Variants in HNF1B observed in about 807,000 individuals in gnomAD.
HNF1B encodes the protein hepatocyte nuclear factor 1-beta.
A neutral mutation model predicts 61.7 loss-of-function variants in HNF1B; 8 were observed. That is an observed-to-expected ratio of 0.13 (90% CI 0.08 to 0.23). The LOEUF (loss-of-function observed/expected upper bound fraction) is 0.23, where lower values mean the gene tolerates loss of function less well. HNF1B is among the 10% of genes least tolerant of loss of function. The pLI, the probability that HNF1B is intolerant of heterozygous loss-of-function variation, is 1.00. For synonymous variants in HNF1B, 314 were observed against 287.7 expected, an observed-to-expected ratio of 1.09 and a Z score of -0.93; for missense variants, 562 against 714.5, an observed-to-expected ratio of 0.79 and a Z score of 2.43.
intron 1 of HNF1B, among the ~76,000 whole-genome samples, chr17:37,742,318 C>T (rs531673338): frequency 2.0e-5 from 3 of 152,284 alleles, no homozygotes; most frequent in East Asian, 1.9e-4. Flanking sequence ...GGCCGGGAGC[C>T]GGGGACCGGG....
At chr17:37,721,020 T>C in intron 4 of HNF1B, 1 of 894,660 alleles carries the variant, frequency 1.1e-6, no homozygotes, top group Non-Finnish European at 1.3e-6. Flanking sequence ...GTTTAAGGGT[T>C]TTCCACTCTT....
At chr17:37,707,597 C>A (rs540111560) in intron 5 of HNF1B, among the ~76,000 whole-genome samples, 156 of 152,034 alleles carry the variant, frequency 1.0e-3, no homozygotes, top group African/African-American at 3.6e-3. Flanking sequence ...TATTATTATC[C>A]CTATTTCATA....
chr17:37,743,033 AC>A lies in HNF1B; in HGVS notation c.344+1507del, dbSNP rs567225010. Among the ~76,000 whole-genome samples, 4 of 152,048 alleles carry A rather than the reference AC, an allele frequency of 2.6e-5. No homozygotes were observed. The South Asian group carries it at 8.3e-4, about 32-fold the overall frequency. The stretch of plus-strand genomic sequence containing the variant: ...TGATTTATAGAAATAAATTAATAAC[AC>A]CCCAACTCCACGTGCTGCAGTTTAT... On this transcript the variant is annotated intron_variant, in intron 1 of 8. Transcript: ENST00000617811.
intron 8 of HNF1B, among the ~76,000 whole-genome samples, chr17:37,693,006 T>C (rs2032256639): frequency 6.6e-6 from 1 of 151,592 alleles, no homozygotes; most frequent in Non-Finnish European, 1.5e-5. Context: ...CTGGCCAACA[T>C]AGTGAAACCC....
intron 6 of HNF1B, among the ~76,000 whole-genome samples, chr17:37,703,322 G>A (rs896096759): frequency 1.1e-4 from 16 of 152,252 alleles, no homozygotes; most frequent in Admixed American, 7.2e-4. Flanking sequence ...AAGGAGCATC[G>A]TGAAATGATA....
At chr17:37,735,648 C>T (rs570220361) in intron 2 of HNF1B, among the ~76,000 whole-genome samples, 4 of 152,174 alleles carry the variant, frequency 2.6e-5, no homozygotes, top group African/African-American at 9.7e-5. Flanking sequence ...CATTTAGTCT[C>T]CCCAGCTGTG....
intron 4 of HNF1B, among the ~76,000 whole-genome samples, chr17:37,715,740 C>T (rs1320684487): frequency 6.6e-6 from 1 of 152,212 alleles, no homozygotes; most frequent in Admixed American, 6.5e-5. Flanking sequence ...CTTCCCTAGG[C>T]AAACTTGCCA....
At chr17:37,729,607 C>T (rs566091485) in intron 4 of HNF1B, 3 of 152,326 alleles carry the variant, frequency 2.0e-5, no homozygotes, top group Admixed American at 6.5e-5. Context: ...GACAGTGACC[C>T]GATATCCTTC....
chr17:37,713,631 T>A lies in HNF1B; in HGVS notation c.1046-2968A>T, dbSNP rs77534877. Among the ~76,000 whole-genome samples, 146 of 152,296 alleles carry A rather than the reference T, an allele frequency of 9.6e-4. 2 individuals carry two copies. The East Asian group carries it at 0.025, about 26-fold the overall frequency. ...AGAGGCTCGGCTGGAAACTGGGGGA[T>A]CCCTGTTTTAATCTCAGCTCTGCTA... On this transcript the variant is annotated intron_variant, in intron 4 of 8. Coordinates refer to ENST00000617811, the MANE Select transcript of HNF1B (RefSeq NM_000458.4).
chr17:37,739,685 G>T (rs756167910), intron 1 of HNF1B, 46 bp from the exon 2 acceptor site: 1 of 1,477,922 alleles, frequency 6.8e-7, no homozygotes, highest in African/African-American at 1.4e-5. Context: ...GAGACATCTG[G>T]GGAGAAACAT....
rs2033926560 is a variant in HNF1B at position 37,739,466 on chromosome 17, A to G, written c.518T>C (p.Val173Ala). 1 of 1,614,142 alleles carries G rather than the reference A, an allele frequency of 6.2e-7. No homozygotes were observed. Among genetic ancestry groups the G allele is most frequent in the Non-Finnish European group, 8.5e-7 (1 of 1,180,026 alleles). The change falls in exon 2 of 9, where the codon GTC becomes GCC. Residue 173 changes from valine to alanine, a missense_variant. By Grantham distance (64) the Val-to-Ala change is moderately conservative. Coordinates refer to ENST00000617811, the MANE Select transcript of HNF1B (RefSeq NM_000458.4). ...QKRAALYTWY[V>A]RKQREILRQF... Reference sequence around the variant, plus strand: ...TCGGAGGATCTCTCGTTGCTTTCTGACGTACCAGGTGTACAGAGCGGCACG... The same window carrying G: ...TCGGAGGATCTCTCGTTGCTTTCTGGCGTACCAGGTGTACAGAGCGGCACG...
intron 4 of HNF1B, among the ~76,000 whole-genome samples, chr17:37,724,128 G>A (rs1021841191): frequency 6.6e-6 from 1 of 152,176 alleles, no homozygotes; most frequent in South Asian, 2.1e-4. Context: ...GTACTCAAAA[G>A]TGTGTCCCAG....
chr17:37,701,145 C>T lies in HNF1B; in HGVS notation c.1372G>A (p.Val458Ile), dbSNP rs1411125492. The change falls in exon 7 of 9, where the codon GTC becomes ATC. Residue 458 changes from valine (V) to isoleucine (I), a missense_variant. Val to Ile is a conservative substitution (Grantham distance 29, BLOSUM62 3). Around this residue, in one of 6 missense-constraint regions of HNF1B, gnomAD observed 211 missense variants for 200.7 expected, o/e 1.05. Transcript: ENST00000617811. ...LNTSQAQSVP[V>I]INSVAGSLAA... is the part of the protein sequence containing the mutation. Reference sequence around the variant, plus strand: ...AGGCTGCCGGCCACACTGTTGATGACAGGGACACTCTGTGCTTGGGAGGTG... The same window carrying T: ...AGGCTGCCGGCCACACTGTTGATGATAGGGACACTCTGTGCTTGGGAGGTG... 1 of 1,551,690 alleles carries T rather than the reference C, an allele frequency of 6.4e-7. No individual in the cohort carries two copies. Among genetic ancestry groups the T allele is most frequent in the South Asian group, 1.2e-5 (1 of 84,052 alleles).
In HNF1B at chr17:37,738,232, C is replaced by T. The variant is rs542453042; in HGVS notation, c.544+1208G>A. On this transcript the variant is annotated intron_variant, in intron 2 of 8. Transcript: ENST00000617811. ...CCAACCCATTCTTGGAAAGGTCTCT[C>T]GCTCTAAGCAGCAAACAGCTCTCAT... Among the ~76,000 whole-genome samples, 3 of 152,218 alleles carry T rather than the reference C, an allele frequency of 2.0e-5. 1 individual carries two copies. The South Asian group carries it at 6.2e-4, about 32-fold the overall frequency.
intron 4 of HNF1B, among the ~76,000 whole-genome samples, chr17:37,714,444 T>C (rs187770308): frequency 1.2e-4 from 18 of 152,298 alleles, no homozygotes. Flanking sequence ...AGATGCCAGG[T>C]TAATAGCCAC....
intron 5 of HNF1B, among the ~76,000 whole-genome samples, chr17:37,708,124 C>T (rs1322359938): frequency 6.6e-6 from 1 of 152,148 alleles, no homozygotes; most frequent in Admixed American, 6.5e-5. Flanking sequence ...GGTGAATGAC[C>T]GAGCCAAGAC....
In HNF1B at chr17:37,701,134, A is replaced by G. The variant is rs2032556996; in HGVS notation, c.1383T>C (p.Ser461=). ...SQAQSVPVIN[S]VAGSLAALQP... ...GCAGGGCTGCCAGGCTGCCGGCCAC[A>G]CTGTTGATGACAGGGACACTCTGTG... Residue 461 remains serine (S), a synonymous_variant, in exon 7 of 9, where the codon AGT becomes AGC. Coordinates refer to ENST00000617811, the MANE Select transcript of HNF1B (RefSeq NM_000458.4). The G allele has an allele frequency of 1.5e-5, 23 of 1,551,992 alleles. No individual in the cohort carries two copies. The highest frequency in any genetic ancestry group is 1.9e-5 in the Non-Finnish European group (22 of 1,147,546).
chr17:37,723,978 C>T (rs1306011930), intron 4 of HNF1B, among the ~76,000 whole-genome samples: 3 of 152,182 alleles, frequency 2.0e-5, no homozygotes, highest in African/African-American at 7.2e-5. Context: ...TTTGGGTCTG[C>T]CTCCATAGCC....
In HNF1B at chr17:37,687,409, G is replaced by A. The variant is rs757297525; in HGVS notation, c.1654-17C>T. ...TAGAGGACACTGCAGAGAGAGAGGA[G>A]AGAGGGTGCTCAGCTGTGTCATTTG... On this transcript the variant is annotated splice_polypyrimidine_tract_variant and intron_variant, in intron 8 of 8. Transcript: ENST00000617811. The A allele has an allele frequency of 6.3e-7, 1 of 1,592,954 alleles. No individual in the cohort carries two copies. Among genetic ancestry groups the A allele is most frequent in the Admixed American group, 1.7e-5 (1 of 59,992 alleles).
Sources: gnomAD v4.1 joint callset for allele counts (sites outside exome capture counted in the v4.1 genomes callset) on GRCh38, gnomAD v4.1.1 for gene constraint, gnomAD v4.1.1 regional missense constraint, MANE v1.5 for transcripts, NCBI Gene and HGNC (gene_info 2026-07-23, HGNC 2026-07-21) for gene names.